The following USP32 variants were observed in gnomAD, a reference collection of about 807,000 sequenced individuals.
USP32 encodes ubiquitin specific peptidase 32.
In USP32, 59 loss-of-function variants were observed where a neutral mutation model predicts 204.8. The observed-to-expected ratio is 0.29, with a 90% CI of 0.23 to 0.36. The LOEUF is 0.36. Ranked by LOEUF, USP32 falls within the 10% of genes least tolerant of loss-of-function variation. The probability of loss-of-function intolerance (pLI) is 1.00; values close to 1 mark genes in which losing one functional copy is unlikely to be tolerated. For synonymous variants in USP32, 517 were observed against 678.4 expected, an observed-to-expected ratio of 0.76 and a Z score of 3.70; for missense variants, 1,160 against 1,946.4, an observed-to-expected ratio of 0.60 and a Z score of 7.60.
intron 8 of USP32, 127 bp from the exon 9 acceptor site, chr17:60,265,601 T>TTG: frequency 9.3e-6 from 6 of 643,288 alleles, no homozygotes; most frequent in Non-Finnish European, 1.6e-5. Context: ...TCTCCTTACG[T>TTG]TGCCCAGGAT....
intron 28 of USP32, 25 bp downstream of exon 28, chr17:60,192,819 G>GT (rs1395695101): frequency 1.2e-5 from 20 of 1,610,354 alleles, no homozygotes; most frequent in Non-Finnish European, 1.6e-5. Context: ...TTCTACTAAA[G>GT]TAATTCTTTT....
At chr17:60,304,875 T>C (rs1261151532) in intron 2 of USP32, 2 of 152,234 alleles carry the variant, frequency 1.3e-5, no homozygotes, top group Non-Finnish European at 2.9e-5. Context: ...AAATGCTTGT[T>C]ATGTGGCATT....
At chr17:60,190,789 G>A in intron 28 of USP32, 106 bp from the exon 29 acceptor site, 2 of 1,474,494 alleles carry the variant, frequency 1.4e-6, no homozygotes, top group South Asian at 1.4e-5. Flanking sequence ...TTCCTCTTGG[G>A]CCTCACAATT....
At position 60,334,107 on chromosome 17, in the gene USP32, A is replaced by G. The variant is rs78198604; in HGVS notation, c.186+11374T>C. Among the ~76,000 whole-genome samples the G allele has an allele frequency of 1.1e-3, 168 of 152,288 alleles. 1 individual carries two copies. Among genetic ancestry groups the G allele is most frequent in the African/African-American group, 3.1e-3 (128 of 41,564 alleles). ...AAGTGCTCATATGGAGATGATTAGC[A>G]CCTCGAATACTTACAGTACTTGAGT... On this transcript the variant is annotated intron_variant, in intron 2 of 33. Transcript: ENST00000300896.
intron 1 of USP32, among the ~76,000 whole-genome samples, chr17:60,365,357 T>C (rs1299241380): frequency 3.3e-5 from 5 of 152,220 alleles, no homozygotes; most frequent in African/African-American, 1.2e-4. Context: ...GGCACGTGCC[T>C]GTAATCCCAG....
chr17:60,267,523 ACT>A (rs1251338073), intron 7 of USP32, among the ~76,000 whole-genome samples: 3 of 150,916 alleles, frequency 2.0e-5, no homozygotes, highest in Admixed American at 6.6e-5. Flanking sequence ...AACAATTTTA[ACT>A]CTTTTTTTTT....
Position 60,365,810 on chromosome 17 carries a change from A to G in USP32, c.59-20202T>C, listed in dbSNP as rs187319716. ...CAAAAATAATGCCCAGAACAAATAT[A>G]TAAGAGAAAAACCAGAATAAATCTA... is the stretch of plus-strand genomic sequence containing the variant. On this transcript the variant is annotated intron_variant, in intron 1 of 33. Coordinates refer to ENST00000300896, the MANE Select transcript of USP32 (RefSeq NM_032582.4). 1.2e-3 allele frequency among the ~76,000 whole-genome samples: 176 copies of G among 152,354 alleles called. 1 individual carries two copies. The highest frequency in any genetic ancestry group is 2.0e-3 in the Non-Finnish European group (139 of 68,034).
intron 14 of USP32, 108 bp from the exon 15 acceptor site, chr17:60,222,657 C>A: frequency 2.7e-4 from 225 of 827,092 alleles, no homozygotes; most frequent in Middle Eastern, 4.2e-4. Flanking sequence ...CACCCAGTTT[C>A]ATGTTGCTGG....
intron 5 of USP32, among the ~76,000 whole-genome samples, chr17:60,275,982 T>C (rs2086830889): frequency 6.6e-6 from 1 of 152,050 alleles, no homozygotes; most frequent in Non-Finnish European, 1.5e-5. Flanking sequence ...CTGTGTCATA[T>C]AGTTTTGCTT....
chr17:60,385,646 A>G (rs1309338030), intron 1 of USP32, among the ~76,000 whole-genome samples: 1 of 152,182 alleles, frequency 6.6e-6, no homozygotes, highest in Non-Finnish European at 1.5e-5. Context: ...CTTCCAGACC[A>G]GCCTGGCCAA....
intron 26 of USP32, among the ~76,000 whole-genome samples, chr17:60,199,228 A>G (rs943876371): frequency 6.6e-6 from 1 of 152,142 alleles, no homozygotes; most frequent in African/African-American, 2.4e-5. Flanking sequence ...CAATTTCCAA[A>G]GTTTTGGAGA....
At chr17:60,242,711 G>A (rs1386362190) in intron 11 of USP32, among the ~76,000 whole-genome samples, 1 of 152,138 alleles carries the variant, frequency 6.6e-6, no homozygotes, top group Non-Finnish European at 1.5e-5. Context: ...CTGGCCAAGG[G>A]TTTCCTTTTA....
chr17:60,365,463 C>T (rs1021160391), intron 1 of USP32, among the ~76,000 whole-genome samples: 8 of 151,918 alleles, frequency 5.3e-5, no homozygotes, highest in African/African-American at 1.9e-4. Flanking sequence ...GCCTGGGTGA[C>T]AGAGCGAGAC....
chr17:60,264,354 A>C (rs2086531186), intron 9 of USP32, among the ~76,000 whole-genome samples: 1 of 140,652 alleles, frequency 7.1e-6, no homozygotes, highest in Non-Finnish European at 1.6e-5. Flanking sequence ...TGGTCTCTAC[A>C]AAAAAAAAAA....
At chr17:60,227,263 CTTTT>C (rs1212277467) in intron 12 of USP32, among the ~76,000 whole-genome samples, 2 of 147,098 alleles carry the variant, frequency 1.4e-5, no homozygotes, top group South Asian at 4.3e-4. Context: ...GTTTTCTTTT[CTTTT>C]TTTCTTTTTT....
At chr17:60,186,424 G>T (rs1436040535) in intron 29 of USP32, among the ~76,000 whole-genome samples, 1 of 152,188 alleles carries the variant, frequency 6.6e-6, no homozygotes, top group Non-Finnish European at 1.5e-5. Context: ...GCACAGAAAA[G>T]CTCACCATGA....
intron 1 of USP32, among the ~76,000 whole-genome samples, chr17:60,358,232 T>C (rs2089131680): frequency 1.3e-5 from 2 of 152,322 alleles, no homozygotes; most frequent in South Asian, 4.1e-4. Context: ...TCATCACTTA[T>C]AACATTGTTT....
intron 11 of USP32, chr17:60,245,503 A>G (rs1022574057): frequency 1.5e-5 from 5 of 336,526 alleles, no homozygotes; most frequent in Admixed American, 3.6e-5. Context: ...TTGTTGCTGA[A>G]CCTTCTACAA....
chr17:60,301,051 C>T (rs1485213383), intron 3 of USP32, among the ~76,000 whole-genome samples: 1 of 152,162 alleles, frequency 6.6e-6, no homozygotes, highest in African/African-American at 2.4e-5. Context: ...AGAATAATTT[C>T]CAGCATGTGG....
Sources: gnomAD v4.1 joint callset for allele counts (sites outside exome capture counted in the v4.1 genomes callset) on GRCh38, gnomAD v4.1.1 for gene constraint, MANE v1.5 for transcripts, NCBI Gene and HGNC (gene_info 2026-07-23, HGNC 2026-07-21) for gene names.